The following PUS10 variants were observed in gnomAD, a reference collection of about 807,000 sequenced individuals.
PUS10 encodes pseudouridine synthase 10.
A neutral mutation model predicts 75.0 loss-of-function variants in PUS10; 59 were observed. The ratio of observed to expected loss-of-function variants is 0.79; its 90% confidence interval spans 0.64 to 0.98. The LOEUF (loss-of-function observed/expected upper bound fraction) is 0.98. Ranked by LOEUF, PUS10 falls within the 50% of genes least tolerant of loss-of-function variation. The probability of loss-of-function intolerance (pLI) is 0.00; values close to 1 mark genes in which losing one functional copy is unlikely to be tolerated. For synonymous variants in PUS10, 219 were observed against 211.6 expected (o/e 1.03, Z -0.30); for missense variants, 650 against 614.4 (o/e 1.06, Z -0.61).
chr2:60,972,235 G>A (rs1293123729), intron 4 of PUS10, among the ~76,000 whole-genome samples: 2 of 148,596 alleles, frequency 1.3e-5, no homozygotes, highest in Non-Finnish European at 1.5e-5. Flanking sequence ...AGGCCGAGGT[G>A]GGCGGATCAC....
intron 2 of PUS10, 123 bp downstream of exon 2, chr2:61,011,642 A>C (rs1277618592): frequency 1.8e-5 from 12 of 651,138 alleles, no homozygotes; most frequent in Non-Finnish European, 2.8e-5. Flanking sequence ...TCATTTTATT[A>C]TAGTTTTTTA....
rs142641242 is a variant in PUS10, at chr2:60,956,410, G to T, written c.1001-1336C>A. Among the ~76,000 whole-genome samples the T allele has an allele frequency of 1.8e-3, 281 of 152,236 alleles. 6 individuals carry two copies. The East Asian group carries it at 0.047, about 25-fold the overall frequency. ...TTACAGCTGCCCACCCCTGTCTCCC[G>T]GTCAGCCCCGTCAGGAAAACAGGGT... On this transcript the variant is annotated intron_variant, in intron 11 of 17. Coordinates refer to ENST00000316752, the MANE Select transcript of PUS10 (RefSeq NM_144709.4).
chr2:60,956,504 A>G (rs1675661948), intron 11 of PUS10, among the ~76,000 whole-genome samples: 1 of 152,168 alleles, frequency 6.6e-6, no homozygotes, highest in African/African-American at 2.4e-5. Flanking sequence ...TCAAAGAAAT[A>G]AGTCTACTAG....
At position 61,006,604 on chromosome 2, in the gene PUS10, T is replaced by C. The variant is rs375158501; in HGVS notation, c.421A>G (p.Ser141Gly). 66 of 1,613,534 alleles carry C rather than the reference T, an allele frequency of 4.1e-5. No homozygotes were observed. Among genetic ancestry groups the C allele is most frequent in the Non-Finnish European group, 5.1e-5 (60 of 1,179,842 alleles). Residue 141 changes from serine (S) to glycine (G), a missense_variant, in exon 4 of 18, where the codon AGC becomes GGC. By Grantham distance (56) the Ser-to-Gly change is moderately conservative. Coordinates refer to ENST00000316752, the MANE Select transcript of PUS10 (RefSeq NM_144709.4). Reference sequence around the variant, plus strand: ...GGGAAGGAGACTGAAAATACCAAGCTGGTGAATTCAAACCCAGAGGCCTCA... The same window carrying C: ...GGGAAGGAGACTGAAAATACCAAGCCGGTGAATTCAAACCCAGAGGCCTCA... ...KVEASGFEFT[S>G]LVFSVSFPPQ...
chr2:60,958,701 T>C (rs1161670049), intron 11 of PUS10, among the ~76,000 whole-genome samples: 1 of 152,064 alleles, frequency 6.6e-6, no homozygotes, highest in Non-Finnish European at 1.5e-5. Flanking sequence ...CTTGGCAACA[T>C]GGCAAAACTC....
chr2:61,000,761 A>C (rs1678798702), intron 4 of PUS10, among the ~76,000 whole-genome samples: 1 of 152,152 alleles, frequency 6.6e-6, no homozygotes, highest in Non-Finnish European at 1.5e-5. Context: ...CCATTTTCCT[A>C]GTGTTCCATT....
intron 4 of PUS10, among the ~76,000 whole-genome samples, chr2:60,995,611 A>AT (rs1558966390): frequency 6.6e-6 from 1 of 152,230 alleles, no homozygotes; most frequent in African/African-American, 2.4e-5. Flanking sequence ...GGTCCTAAAA[A>AT]TTAATGGAGG....
Position 60,948,306 on chromosome 2 carries a change from G to T in PUS10, c.1309-121C>A. The T allele has an allele frequency of 8.7e-6, 8 of 923,806 alleles. No individual in the cohort carries two copies. The South Asian group carries it at 1.2e-4, about 14-fold the overall frequency. The allele number at this position is 923,806 out of a possible 1,614,324, so 57.2% of individuals were successfully genotyped here. The stretch of plus-strand genomic sequence containing the variant: ...GATGCTTCCTTGAGAGAACTAAAAT[G>T]AATTGTGTCCCCTTAGGTTCAAACT... On this transcript the variant is annotated intron_variant, in intron 15 of 17. Transcript: ENST00000316752.
chr2:61,013,759 T>C (rs1679786950), intron 1 of PUS10, among the ~76,000 whole-genome samples: 1 of 152,158 alleles, frequency 6.6e-6, no homozygotes, highest in South Asian at 2.1e-4. Context: ...GTGCAGTGGC[T>C]CACATCTGTA....
At chr2:60,946,652 A>C (rs969600466) in intron 16 of PUS10, among the ~76,000 whole-genome samples, 1 of 152,216 alleles carries the variant, frequency 6.6e-6, no homozygotes, top group African/African-American at 2.4e-5. Context: ...AAAATTTAGA[A>C]GATTTTAAGA....
intron 4 of PUS10, among the ~76,000 whole-genome samples, chr2:61,002,766 CG>C (rs1239439673): frequency 7.2e-5 from 11 of 152,280 alleles, no homozygotes; most frequent in African/African-American, 2.6e-4. Context: ...CCATGACAGT[CG>C]TAAGGTATTT....
rs951982369 is a variant in PUS10 at position 60,942,173 on chromosome 2, A to C, written c.*222T>G. On this transcript the variant is annotated 3_prime_UTR_variant, in exon 18 of 18. Transcript: ENST00000316752. ...TTTGGTTTGTGGGGGTGAAAGAGGG[A>C]ATGAGAAAAATCCTAAGACATCCTT... 10 of 472,260 alleles carry C rather than the reference A, an allele frequency of 2.1e-5. No individual in the cohort carries two copies. The highest frequency in any genetic ancestry group is 1.6e-4 in the African/African-American group (8 of 50,272). The allele number at this position is 472,260 out of a possible 1,614,324, so 29.3% of individuals were successfully genotyped here. A position where few individuals can be genotyped will look rare whatever the true frequency, so the allele number is the denominator to read the frequency against.
chr2:60,984,199 G>A (rs1259164171), intron 4 of PUS10, among the ~76,000 whole-genome samples: 1 of 152,178 alleles, frequency 6.6e-6, no homozygotes, highest in South Asian at 2.1e-4. Context: ...AATGGCAAAT[G>A]TCAGGCTGGG....
intron 4 of PUS10, among the ~76,000 whole-genome samples, chr2:60,994,101 C>T (rs538589707): frequency 3.3e-5 from 5 of 151,864 alleles, no homozygotes; most frequent in East Asian, 1.9e-4. Flanking sequence ...ATCGACACTT[C>T]GTAACTGACA....
chr2:60,946,079 T>C (rs1238508253), intron 16 of PUS10, among the ~76,000 whole-genome samples: 1 of 152,220 alleles, frequency 6.6e-6, no homozygotes, highest in Non-Finnish European at 1.5e-5. Context: ...ATCTAGTAAC[T>C]GTGTTTTTTG....
intron 4 of PUS10, among the ~76,000 whole-genome samples, chr2:60,979,864 T>C (rs1023655851): frequency 5.9e-5 from 9 of 152,246 alleles, no homozygotes; most frequent in Non-Finnish European, 1.0e-4. Context: ...CAGATCAGCA[T>C]AGAATGAATC....
At chr2:60,970,657 G>T (rs938285123) in intron 5 of PUS10, among the ~76,000 whole-genome samples, 3 of 152,070 alleles carry the variant, frequency 2.0e-5, no homozygotes, top group African/African-American at 7.3e-5. Flanking sequence ...GCCTGGGCGG[G>T]GGAGGGGACG....
chr2:60,956,076 A>G (rs1056022572), intron 11 of PUS10, among the ~76,000 whole-genome samples: 1 of 151,670 alleles, frequency 6.6e-6, no homozygotes, highest in Non-Finnish European at 1.5e-5. Context: ...AGCTGCAAAT[A>G]TTGGAAGGAG....
At chr2:60,982,543 G>A (rs747287470) in intron 4 of PUS10, among the ~76,000 whole-genome samples, 14 of 151,932 alleles carry the variant, frequency 9.2e-5, no homozygotes, top group Non-Finnish European at 1.9e-4. Context: ...GATTACAGGC[G>A]TGAGCCACCA....
Sources: gnomAD v4.1 joint callset for allele counts (sites outside exome capture counted in the v4.1 genomes callset) on GRCh38, gnomAD v4.1.1 for gene constraint, MANE v1.5 for transcripts, NCBI Gene and HGNC (gene_info 2026-07-23, HGNC 2026-07-21) for gene names.